CCDC34: variants seen among roughly 807,000 people sequenced by gnomAD.
CCDC34 encodes the protein coiled-coil domain containing 34.
A neutral mutation model predicts 44.1 loss-of-function variants in CCDC34; 40 were observed. The observed-to-expected ratio is 0.91, with a 90% CI of 0.70 to 1.18. The LOEUF (loss-of-function observed/expected upper bound fraction) is 1.18, where lower values mean the gene tolerates loss of function less well. CCDC34 is among the 50% of genes most tolerant of loss of function. CCDC34 has a pLI of 0.00. For missense variants in CCDC34, 466 were observed against 452.3 expected (o/e 1.03, Z -0.28); for synonymous variants, 159 against 158.2 (o/e 1.01, Z -0.04).
Position 27,363,196 on chromosome 11 carries a change from T to C in CCDC34, c.-2A>G. The stretch of plus-strand genomic sequence containing the variant: ...CCCCCAGCGCCCCGCCGCCCACATC[T>C]GGCCCGCCAAGTTCAAACTGGCGGA... On this transcript the variant is annotated 5_prime_UTR_variant, in exon 1 of 6. Transcript: ENST00000328697. The C allele has an allele frequency of 2.0e-6, 3 of 1,469,124 alleles. No homozygotes were observed. Among genetic ancestry groups the C allele is most frequent in the Non-Finnish European group, 1.8e-6 (2 of 1,118,152 alleles). The allele number at this position is 1,469,124 out of a possible 1,614,324, so 91.0% of individuals were successfully genotyped here.
rs371644469 is a variant in CCDC34, at chr11:27,349,998, C to T, written c.606+334G>A. ...ACAGAGAAATGGGAGGATGGATTTA[C>T]GAAGGAGAAATGGGCAAAATGGGTT... is the stretch of plus-strand genomic sequence containing the variant. On this transcript the variant is annotated intron_variant, in intron 3 of 5. Transcript: ENST00000328697. The T allele has an allele frequency of 1.4e-5, 16 of 1,168,288 alleles. No homozygotes were observed. In the Admixed American group the frequency reaches 3.6e-4, roughly 26 times the overall value. 72.4% of individuals were successfully genotyped at this position (1,168,288 alleles called of 1,614,324 possible).
Position 27,363,190 on chromosome 11 carries a change from C to T in CCDC34, c.5G>A (p.Trp2Ter). Residue 2 changes from tryptophan to a stop codon, truncating the protein, a stop_gained, in exon 1 of 6, where the codon TGG (tryptophan) becomes TAG (stop). Transcript: ENST00000328697. LOFTEE classifies it high-confidence loss of function. ...AGTAGGCCCCCAGCGCCCCGCCGCCCACATCTGGCCCGCCAAGTTCAAACT... is the reference window on the plus strand; with the variant it reads ...AGTAGGCCCCCAGCGCCCCGCCGCCTACATCTGGCCCGCCAAGTTCAAACT... The part of the protein sequence containing the change: M[W>*]AAGRWGPTFP... 6.8e-7 allele frequency: 1 copy of T among 1,474,324 alleles called. No individual in the cohort carries two copies. The highest frequency in any genetic ancestry group is 8.9e-7 in the Non-Finnish European group (1 of 1,120,326). 91.3% of individuals were successfully genotyped at this position (1,474,324 alleles called of 1,614,324 possible).
chr11:27,347,552 C>G (rs1363190074), intron 3 of CCDC34, among the ~76,000 whole-genome samples: 1 of 151,896 alleles, frequency 6.6e-6, no homozygotes, highest in African/African-American at 2.4e-5. Context: ...TCATAGAATA[C>G]TATAGTCAGC....
At chr11:27,357,314 G>T in intron 2 of CCDC34, 89 bp downstream of exon 2, 2 of 1,301,096 alleles carry the variant, frequency 1.5e-6, no homozygotes, top group Non-Finnish European at 1.0e-6. Flanking sequence ...TTTGTTTTCA[G>T]GAATAATAAC....
At chr11:27,350,191 C>T in intron 3 of CCDC34, 141 bp downstream of exon 3, 1 of 1,562,068 alleles carries the variant, frequency 6.4e-7, no homozygotes, top group Non-Finnish European at 8.6e-7. Context: ...GATAAATGTC[C>T]ACCAGGATAG....
chr11:27,357,649 A>G (rs1279798490), intron 1 of CCDC34, 108 bp from the exon 2 acceptor site: 9 of 909,814 alleles, frequency 9.9e-6, no homozygotes, highest in African/African-American at 1.7e-5. Flanking sequence ...TATTTTCAAT[A>G]TTGTGATTTT....
chr11:27,345,814 C>T (rs998031605), intron 3 of CCDC34, among the ~76,000 whole-genome samples: 4 of 152,126 alleles, frequency 2.6e-5, no homozygotes, highest in African/African-American at 9.7e-5. Flanking sequence ...AATGGGATGG[C>T]TGGGTCAAAT....
Position 27,338,868 on chromosome 11 carries a change from C to CT in CCDC34, c.1074dup (p.Ala359SerfsTer30), listed in dbSNP as rs1428016757. The CT allele has an allele frequency of 6.2e-7, 1 of 1,613,900 alleles. No homozygotes were observed. Among genetic ancestry groups the CT allele is most frequent in the Non-Finnish European group, 8.5e-7 (1 of 1,179,904 alleles). On this transcript the variant is annotated frameshift_variant, in exon 6 of 6. Transcript: ENST00000328697. LOFTEE classifies it high-confidence loss of function. ...GTTCCAAGGCAAAGATTGCTCCTGG[C>CT]TTTATGAATTACCAGAGATGATGAC... is the stretch of plus-strand genomic sequence containing the variant.
intron 3 of CCDC34, chr11:27,349,806 C>T (rs1862479447): frequency 2.1e-6 from 2 of 954,810 alleles, no homozygotes; most frequent in Non-Finnish European, 2.5e-6. Flanking sequence ...AATCCCTGCC[C>T]TTATGTAGCT....
At chr11:27,355,622 A>C (rs1862564030) in intron 2 of CCDC34, among the ~76,000 whole-genome samples, 1 of 152,196 alleles carries the variant, frequency 6.6e-6, no homozygotes, top group South Asian at 2.1e-4. Flanking sequence ...CACAGGTATT[A>C]TTTTATTCCT....
At chr11:27,349,801 CT>C in intron 3 of CCDC34, 1 of 952,626 alleles carries the variant, frequency 1.0e-6, no homozygotes. Flanking sequence ...GCAAAAATCC[CT>C]GCCCTTATGT....
Position 27,338,914 on chromosome 11 carries a change from A to G in CCDC34, c.1029T>C (p.Pro343=). 6.2e-7 allele frequency: 1 copy of G among 1,613,834 alleles called. No individual in the cohort carries two copies. The highest frequency in any genetic ancestry group is 1.1e-5 in the South Asian group (1 of 91,042). Reference sequence around the variant, plus strand: ...ATGACTTGTGTGGCTGACTTATCACAGGTCTTTTACTCTTCCTTCCTGATA... The same window carrying G: ...ATGACTTGTGTGGCTGACTTATCACGGGTCTTTTACTCTTCCTTCCTGATA... ...KDLSGRKSKR[P]VISQPHKSSS... The change falls in exon 6 of 6, where the codon CCT becomes CCC. Residue 343 remains proline, a synonymous_variant. Transcript: ENST00000328697.
chr11:27,347,226 T>C (rs1243717279), intron 3 of CCDC34, among the ~76,000 whole-genome samples: 1 of 152,208 alleles, frequency 6.6e-6, no homozygotes, highest in Non-Finnish European at 1.5e-5. Flanking sequence ...CTGCCAAAGA[T>C]GTGGAGCAAC....
chr11:27,340,307 C>T (rs1348108605), intron 5 of CCDC34, among the ~76,000 whole-genome samples: 1 of 152,104 alleles, frequency 6.6e-6, no homozygotes, highest in East Asian at 1.9e-4. Context: ...CTACCTCACA[C>T]AAAGAATGTG....
At chr11:27,357,702 T>TCA (rs1375231179) in intron 1 of CCDC34, among the ~76,000 whole-genome samples, 161 bp from the exon 2 acceptor site, 2 of 152,186 alleles carry the variant, frequency 1.3e-5, no homozygotes, top group Non-Finnish European at 2.9e-5. Context: ...ATTTAAAAAA[T>TCA]CATGAAAAGA....
intron 5 of CCDC34, among the ~76,000 whole-genome samples, chr11:27,339,630 G>A (rs1249242213): frequency 6.6e-6 from 1 of 152,072 alleles, no homozygotes; most frequent in Non-Finnish European, 1.5e-5. Context: ...ACATTTGAAG[G>A]AAGAACATTT....
intron 1 of CCDC34, among the ~76,000 whole-genome samples, chr11:27,359,650 A>G (rs2133351158): frequency 6.6e-6 from 1 of 152,254 alleles, no homozygotes; most frequent in South Asian, 2.1e-4. Flanking sequence ...CACTACGCCC[A>G]GCTAAGCTAT....
At chr11:27,348,884 A>C (rs1862468807) in intron 3 of CCDC34, 4 of 975,240 alleles carry the variant, frequency 4.1e-6, no homozygotes, top group Non-Finnish European at 4.9e-6. Context: ...ATAACGTCTC[A>C]GTTTTATTTT....
At chr11:27,347,689 C>T (rs1390320296) in intron 3 of CCDC34, among the ~76,000 whole-genome samples, 1 of 151,764 alleles carries the variant, frequency 6.6e-6, no homozygotes, top group African/African-American at 2.4e-5. Flanking sequence ...TCTACAAGTA[C>T]AGAAAGCAGA....
Sources: allele counts gnomAD v4.1 joint callset (sites outside exome capture counted in the v4.1 genomes callset), GRCh38; gene constraint gnomAD v4.1.1; transcripts MANE v1.5; gene names NCBI Gene and HGNC (gene_info 2026-07-23, HGNC 2026-07-21).